The following ELAPOR2 variants were observed in gnomAD, a reference collection of about 807,000 sequenced individuals.
The protein encoded by ELAPOR2 is endosome-lysosome associated apoptosis and autophagy regulator family member 2.
Under a neutral mutation model 120.7 loss-of-function variants are expected in ELAPOR2, and 89 were observed. The observed-to-expected ratio is 0.74, with a 90% CI of 0.62 to 0.88. The LOEUF (loss-of-function observed/expected upper bound fraction) is 0.88. Among genes scored for constraint, ELAPOR2 ranks in the 40% least tolerant of loss-of-function variants. The pLI is 0.00. For synonymous variants in ELAPOR2, 444 were observed against 444.9 expected, an observed-to-expected ratio of 1.00 and a Z score of 0.03; for missense variants, 1,134 against 1,251.6, an observed-to-expected ratio of 0.91 and a Z score of 1.42.
chr7:86,889,215 G>C (rs1799836140), intron 21 of ELAPOR2, among the ~76,000 whole-genome samples: 1 of 151,978 alleles, frequency 6.6e-6, no homozygotes, highest in African/African-American at 2.4e-5. Context: ...TGAGAACCAA[G>C]ACAAAGTCTG....
intron 1 of ELAPOR2, among the ~76,000 whole-genome samples, chr7:87,043,908 G>A (rs78785172): frequency 0.011 from 1,708 of 150,368 alleles, 10 homozygotes; most frequent in Middle Eastern, 0.02. Context: ...CAACTTCAGC[G>A]AAGTCTCAGG....
At chr7:86,910,478 T>C (rs1789248822) in intron 15 of ELAPOR2, among the ~76,000 whole-genome samples, 1 of 152,122 alleles carries the variant, frequency 6.6e-6, no homozygotes, top group African/African-American at 2.4e-5. Context: ...ACAAAAGTCA[T>C]ACTGCAGCAA....
chr7:86,916,345 T>C (rs1455341172), intron 12 of ELAPOR2, among the ~76,000 whole-genome samples: 3 of 152,166 alleles, frequency 2.0e-5, no homozygotes, highest in Non-Finnish European at 2.9e-5. Flanking sequence ...TGAAGTATGA[T>C]TGGAGTTCAT....
intron 18 of ELAPOR2, among the ~76,000 whole-genome samples, chr7:86,905,650 C>A (rs1236676911): frequency 6.6e-6 from 1 of 151,680 alleles, no homozygotes; most frequent in Non-Finnish European, 1.5e-5. Context: ...AAAAAAAAAT[C>A]CAAAATGTGA....
chr7:86,989,895 G>A (rs1210165249), intron 1 of ELAPOR2, among the ~76,000 whole-genome samples: 1 of 151,882 alleles, frequency 6.6e-6, no homozygotes, highest in African/African-American at 2.4e-5. Flanking sequence ...AAAATTAAAG[G>A]AGGAACTTTT....
At chr7:86,936,815 T>C (rs190991591) in intron 8 of ELAPOR2, among the ~76,000 whole-genome samples, 34 of 152,122 alleles carry the variant, frequency 2.2e-4, no homozygotes, top group African/African-American at 8.2e-4. Context: ...TACTCATGGA[T>C]GTAATTAACT....
chr7:87,051,090 G>T (rs537485400), intron 1 of ELAPOR2, among the ~76,000 whole-genome samples: 3 of 152,256 alleles, frequency 2.0e-5, no homozygotes, highest in African/African-American at 7.2e-5. Flanking sequence ...GTGTTAATTT[G>T]GGAGCTATCC....
chr7:87,014,810 TC>T lies in ELAPOR2; in HGVS notation c.189+44514del, dbSNP rs1333029433. ...ACACTCCATAAAAATGAAATATTGT[TC>T]AATTCACTTCAAAAAACAACTGCTA... is the stretch of plus-strand genomic sequence containing the variant. On this transcript the variant is annotated intron_variant, in intron 1 of 21. Coordinates refer to ENST00000450689, the MANE Select transcript of ELAPOR2 (RefSeq NM_001142749.3). Among the ~76,000 whole-genome samples the T allele has an allele frequency of 1.2e-4, 18 of 152,278 alleles. No homozygotes were observed. The East Asian group carries it at 3.5e-3, about 29-fold the overall frequency.
rs780781736 is a variant in ELAPOR2 at position 86,908,552 on chromosome 7, C to T, written c.2360-9G>A. The T allele has an allele frequency of 2.3e-6, 3 of 1,323,384 alleles. No individual in the cohort carries two copies. The highest frequency in any genetic ancestry group is 1.3e-5 in the South Asian group (1 of 75,188). The allele number at this position is 1,323,384 out of a possible 1,614,324, so 82.0% of individuals were successfully genotyped here. On this transcript the variant is annotated splice_polypyrimidine_tract_variant and intron_variant, in intron 16 of 21. Transcript: ENST00000450689. ...GGTTTCAACTGTGACTCCTAGATGA[C>T]ATTTAAAAAGAAACTATTAAGCAAT... is the stretch of plus-strand genomic sequence containing the variant.
intron 19 of ELAPOR2, 52 bp downstream of exon 19, chr7:86,897,454 C>G: frequency 3.2e-6 from 5 of 1,574,236 alleles, no homozygotes; most frequent in Non-Finnish European, 4.3e-6. Flanking sequence ...GATTTGATGC[C>G]AGATTAACCA....
At chr7:86,986,938 T>C (rs910674410) in intron 1 of ELAPOR2, among the ~76,000 whole-genome samples, 1 of 150,514 alleles carries the variant, frequency 6.6e-6, no homozygotes, top group African/African-American at 2.5e-5. Flanking sequence ...CTACCTGACT[T>C]CAAACTGTAC....
intron 2 of ELAPOR2, among the ~76,000 whole-genome samples, chr7:86,955,866 T>G (rs998278513): frequency 6.6e-6 from 1 of 151,098 alleles, no homozygotes; most frequent in Non-Finnish European, 1.5e-5. Context: ...ACGGTTACCA[T>G]GCAGCCAGAA....
chr7:86,962,052 A>G (rs1362312869), intron 2 of ELAPOR2, among the ~76,000 whole-genome samples: 1 of 152,192 alleles, frequency 6.6e-6, no homozygotes, highest in Non-Finnish European at 1.5e-5. Flanking sequence ...TAAGCTTCAG[A>G]GTCACATATA....
intron 18 of ELAPOR2, among the ~76,000 whole-genome samples, chr7:86,902,214 T>C (rs1189620354): frequency 6.6e-6 from 1 of 152,128 alleles, no homozygotes; most frequent in Non-Finnish European, 1.5e-5. Context: ...TTCCATCTTG[T>C]TGCCCAAGCT....
intron 1 of ELAPOR2, among the ~76,000 whole-genome samples, chr7:87,022,235 C>G (rs1422600161): frequency 8.5e-6 from 1 of 117,382 alleles, no homozygotes; most frequent in East Asian, 3.2e-4. Context: ...CCCCCTCCCC[C>G]CACCCCACAA....
At chr7:86,947,635 A>C in intron 3 of ELAPOR2, 92 bp downstream of exon 3, 1 of 1,139,430 alleles carries the variant, frequency 8.8e-7, no homozygotes, top group South Asian at 1.6e-5. Flanking sequence ...CACAAACAGT[A>C]CCAAGATTAT....
chr7:87,015,325 A>C (rs2116680559), intron 1 of ELAPOR2, among the ~76,000 whole-genome samples: 1 of 152,358 alleles, frequency 6.6e-6, no homozygotes, highest in East Asian at 1.9e-4. Flanking sequence ...TATTGGACAC[A>C]AAAATAAGTT....
At chr7:86,951,402 G>C (rs898311377) in intron 2 of ELAPOR2, among the ~76,000 whole-genome samples, 1 of 152,182 alleles carries the variant, frequency 6.6e-6, no homozygotes, top group Non-Finnish European at 1.5e-5. Flanking sequence ...ATATAAAAAA[G>C]AGAAGAATTG....
intron 2 of ELAPOR2, among the ~76,000 whole-genome samples, chr7:86,950,257 T>C (rs1341259727): frequency 1.3e-5 from 2 of 152,222 alleles, no homozygotes; most frequent in East Asian, 1.9e-4. Context: ...CTTGTCCACA[T>C]ACCTCATTCT....
Sources: allele counts gnomAD v4.1 joint callset (sites outside exome capture counted in the v4.1 genomes callset), GRCh38; gene constraint gnomAD v4.1.1; transcripts MANE v1.5; gene names NCBI Gene and HGNC (gene_info 2026-07-23, HGNC 2026-07-21).